R3HCC1L: variants seen among roughly 807,000 people sequenced by gnomAD.
The protein encoded by R3HCC1L is R3H domain and coiled-coil containing 1 like.
R3HCC1L carries 51 observed loss-of-function variants against 59.9 expected under a neutral mutation model. The ratio of observed to expected loss-of-function variants is 0.85; its 90% CI spans 0.68 to 1.07. R3HCC1L has a LOEUF of 1.07. Among genes scored for constraint, R3HCC1L ranks in the 50% least tolerant of loss-of-function variants. The pLI is 0.00. For synonymous variants in R3HCC1L, 322 were observed against 315.2 expected, an observed-to-expected ratio of 1.02 and a Z score of -0.23; for missense variants, 965 against 933.0, an observed-to-expected ratio of 1.03 and a Z score of -0.45.
Position 98,144,734 on chromosome 10 carries a change from G to A in R3HCC1L, c.-268+10028G>A, listed in dbSNP as rs963201001. Among the ~76,000 whole-genome samples, 17 of 152,222 alleles carry A rather than the reference G, an allele frequency of 1.1e-4. No homozygotes were observed. In the South Asian group the frequency reaches 1.2e-3, roughly 11 times the overall value. On this transcript the variant is annotated intron_variant, in intron 1 of 9. Transcript: ENST00000298999. ...TTATTCATACGCAAAAGAAGTCCTA[G>A]TCTGGTCTATCTTTGAGATTCTTCT... is the stretch of plus-strand genomic sequence containing the variant.
At chr10:98,229,615 A>G (rs1225679138) in intron 5 of R3HCC1L, among the ~76,000 whole-genome samples, 3 of 152,192 alleles carry the variant, frequency 2.0e-5, no homozygotes, top group African/African-American at 2.4e-5. Flanking sequence ...TTCCAACACT[A>G]TGTTGAATGG....
intron 4 of R3HCC1L, 93 bp from the exon 5 acceptor site, chr10:98,208,006 CAG>C: frequency 4.3e-6 from 5 of 1,153,638 alleles, no homozygotes; most frequent in Non-Finnish European, 6.0e-6. Flanking sequence ...GCCTGGGTGA[CAG>C]TGTGAGACTC....
chr10:98,159,795 G>T (rs1847224601), intron 2 of R3HCC1L, among the ~76,000 whole-genome samples: 1 of 152,108 alleles, frequency 6.6e-6, no homozygotes, highest in Non-Finnish European at 1.5e-5. Context: ...CCCAGCCTTG[G>T]AATAAGGAAT....
rs115600442 is a variant in R3HCC1L, at chr10:98,231,483, C to T, written c.1786-29C>T. ...TTACAATAACCAGGTTTAATGTAAC[C>T]GGCACTTAACGTGCTTCTTCCTTTC... On this transcript the variant is annotated intron_variant, in intron 5 of 9. Coordinates refer to ENST00000298999, the MANE Select transcript of R3HCC1L (RefSeq NM_001351015.2). 8.5e-4 allele frequency: 1,354 copies of T among 1,592,528 alleles called. 7 individuals carry two copies. The African/African-American group carries it at 0.013, about 15-fold the overall frequency.
intron 1 of R3HCC1L, among the ~76,000 whole-genome samples, chr10:98,137,617 AATTAT>A (rs1315844900): frequency 3.3e-5 from 5 of 152,190 alleles, no homozygotes; most frequent in African/African-American, 1.2e-4. Context: ...TTTATATAAA[AATTAT>A]ATTAGATTTT....
At chr10:98,203,781 T>A (rs1300286659) in intron 4 of R3HCC1L, among the ~76,000 whole-genome samples, 1 of 152,210 alleles carries the variant, frequency 6.6e-6, no homozygotes, top group East Asian at 1.9e-4. Context: ...GTTACCAATA[T>A]TTTCTCTCAG....
chr10:98,204,680 A>G (rs1014017162), intron 4 of R3HCC1L, among the ~76,000 whole-genome samples: 4 of 152,186 alleles, frequency 2.6e-5, no homozygotes, highest in Admixed American at 2.0e-4. Context: ...AATATTGCAT[A>G]CTATAATATA....
intron 4 of R3HCC1L, among the ~76,000 whole-genome samples, chr10:98,195,839 C>T (rs1851375883): frequency 6.6e-6 from 1 of 152,118 alleles, no homozygotes; most frequent in Non-Finnish European, 1.5e-5. Context: ...CTGCTATATC[C>T]ATAAAGTCAG....
intron 1 of R3HCC1L, among the ~76,000 whole-genome samples, chr10:98,142,662 C>T (rs529476671): frequency 1.0e-4 from 15 of 149,128 alleles, no homozygotes; most frequent in African/African-American, 2.7e-4. Flanking sequence ...AGGCCGGGTA[C>T]GGTGGCTCAT....
At chr10:98,236,219 ATGTGTTT>A in intron 9 of R3HCC1L, 55 bp downstream of exon 9, 1 of 1,579,982 alleles carries the variant, frequency 6.3e-7, no homozygotes, top group Admixed American at 1.9e-5. Flanking sequence ...ACTGTAAGGC[ATGTGTTT>A]AAAAAAAAAT....
At chr10:98,134,934 T>C (rs1018765220) in intron 1 of R3HCC1L, among the ~76,000 whole-genome samples, 1 of 152,102 alleles carries the variant, frequency 6.6e-6, no homozygotes, top group Non-Finnish European at 1.5e-5. Context: ...CTCCCGGGGC[T>C]CTTTTGCACT....
intron 9 of R3HCC1L, among the ~76,000 whole-genome samples, chr10:98,239,413 G>A (rs917444541): frequency 1.3e-5 from 2 of 151,942 alleles, no homozygotes; most frequent in African/African-American, 4.8e-5. Flanking sequence ...GTTATAATAT[G>A]GTATAATAAT....
intron 2 of R3HCC1L, among the ~76,000 whole-genome samples, chr10:98,159,175 A>G (rs1354403100): frequency 6.6e-6 from 1 of 152,130 alleles, no homozygotes; most frequent in Non-Finnish European, 1.5e-5. Context: ...GGTTCATCTG[A>G]TGTTTTCTCA....
intron 9 of R3HCC1L, among the ~76,000 whole-genome samples, chr10:98,238,335 G>A (rs959981653): frequency 5.9e-5 from 9 of 152,208 alleles, no homozygotes; most frequent in African/African-American, 1.7e-4. Flanking sequence ...GCAAGATTTT[G>A]TTCCTCTCCT....
chr10:98,160,449 A>C lies in R3HCC1L; in HGVS notation c.-212-2434A>C, dbSNP rs559258559. On this transcript the variant is annotated intron_variant, in intron 2 of 9. Transcript: ENST00000298999. Reference sequence around the variant, plus strand: ...GTGTATTAGATAAAATATATTAATAAAATTAATTTCACTTTAATGTGGCTA... The same window carrying C: ...GTGTATTAGATAAAATATATTAATACAATTAATTTCACTTTAATGTGGCTA... 2.0e-4 allele frequency among the ~76,000 whole-genome samples: 30 copies of C among 152,354 alleles called. 1 individual carries two copies. The highest frequency in any genetic ancestry group is 7.2e-4 in the African/African-American group (30 of 41,580).
chr10:98,207,629 C>CT (rs1476244877), intron 4 of R3HCC1L, among the ~76,000 whole-genome samples: 2 of 151,964 alleles, frequency 1.3e-5, no homozygotes, highest in African/African-American at 4.8e-5. Flanking sequence ...ATTTCATTTT[C>CT]TAGCCAACAT....
At position 98,147,632 on chromosome 10, in the gene R3HCC1L, T is replaced by C. The variant is rs1452353766; in HGVS notation, c.-267-8461T>C. ...AGTTTCATCATTCTCAGTATAGTTATCCAGTTTTTCCAGCACCATTTGTTG... is the reference window on the plus strand; with the variant it reads ...AGTTTCATCATTCTCAGTATAGTTACCCAGTTTTTCCAGCACCATTTGTTG... On this transcript the variant is annotated intron_variant, in intron 1 of 9. Transcript: ENST00000298999. Among the ~76,000 whole-genome samples the C allele has an allele frequency of 4.6e-5, 7 of 152,136 alleles. No homozygotes were observed. The East Asian group carries it at 1.2e-3, about 25-fold the overall frequency.
intron 1 of R3HCC1L, among the ~76,000 whole-genome samples, chr10:98,135,619 C>T (rs1336041170): frequency 6.6e-6 from 1 of 152,202 alleles, no homozygotes; most frequent in Non-Finnish European, 1.5e-5. Flanking sequence ...GGAAACGAAT[C>T]TGAACCATAC....
Position 98,166,937 on chromosome 10 carries a change from T to C in R3HCC1L, c.-15+3540T>C, listed in dbSNP as rs184280128. On this transcript the variant is annotated intron_variant, in intron 4 of 9. Coordinates refer to ENST00000298999, the MANE Select transcript of R3HCC1L (RefSeq NM_001351015.2). The stretch of plus-strand genomic sequence containing the variant: ...ACCTCAGCCTCCCAAAGTGCTGGGA[T>C]TACAGGCGTGAGCCACCGCGCCTGA... 1.5e-3 allele frequency among the ~76,000 whole-genome samples: 224 copies of C among 152,270 alleles called. 1 individual carries two copies. Among genetic ancestry groups the C allele is most frequent in the African/African-American group, 5.0e-3 (206 of 41,550 alleles).
Sources: allele counts gnomAD v4.1 joint callset (sites outside exome capture counted in the v4.1 genomes callset), GRCh38; gene constraint gnomAD v4.1.1; transcripts MANE v1.5; gene names NCBI Gene and HGNC (gene_info 2026-07-23, HGNC 2026-07-21).